The following CSMD2 variants were observed in gnomAD, a reference collection of about 807,000 sequenced individuals.
CSMD2 encodes the protein CUB and sushi domain-containing protein 2.
A neutral mutation model predicts 398.5 loss-of-function variants in CSMD2; 130 were observed. That is an observed-to-expected ratio of 0.33 (90% confidence interval 0.28 to 0.38). The LOEUF (loss-of-function observed/expected upper bound fraction) is 0.38, where lower values mean the gene tolerates loss of function less well. Among genes scored for constraint, CSMD2 ranks in the 10% least tolerant of loss-of-function variants. The probability of loss-of-function intolerance (pLI) is 1.00; values close to 1 mark genes in which losing one functional copy is unlikely to be tolerated. For synonymous variants in CSMD2, 1,828 were observed against 1,908.5 expected (o/e 0.96, Z 1.10); for missense variants, 3,829 against 4,764.9 (o/e 0.80, Z 5.78).
intron 27 of CSMD2, among the ~76,000 whole-genome samples, chr1:33,655,340 GA>G (rs1214508445): frequency 5.9e-5 from 9 of 152,324 alleles, no homozygotes; most frequent in Admixed American, 3.9e-4. Flanking sequence ...GAATAATGAT[GA>G]TAATGGCTTC....
At chr1:34,038,607 T>C (rs1266921804) in intron 2 of CSMD2, among the ~76,000 whole-genome samples, 1 of 152,164 alleles carries the variant, frequency 6.6e-6, no homozygotes, top group African/African-American at 2.4e-5. Flanking sequence ...TTCTTAGGAT[T>C]AAAGCCAGAA....
chr1:33,716,545 T>TAA, intron 19 of CSMD2, 44 bp from the exon 20 acceptor site: 2 of 1,426,702 alleles, frequency 1.4e-6, no homozygotes, highest in Admixed American at 1.8e-5. Context: ...GCGAGATGGC[T>TAA]GGAGAACCTC....
At chr1:33,666,736 A>C (rs1467966763) in intron 25 of CSMD2, among the ~76,000 whole-genome samples, 1 of 152,100 alleles carries the variant, frequency 6.6e-6, no homozygotes, top group Non-Finnish European at 1.5e-5. Flanking sequence ...TCCCTAGGAC[A>C]GAGCACAAAC....
At chr1:33,584,411 C>T (rs527533478) in intron 46 of CSMD2, among the ~76,000 whole-genome samples, 25 of 152,248 alleles carry the variant, frequency 1.6e-4, no homozygotes, top group African/African-American at 4.8e-4. Context: ...GAGGCTCATG[C>T]CTGTAATCCC....
chr1:33,808,392 T>C (rs1656471305), intron 10 of CSMD2, among the ~76,000 whole-genome samples: 1 of 151,710 alleles, frequency 6.6e-6, no homozygotes, highest in African/African-American at 2.4e-5. Flanking sequence ...TTTCAAATGA[T>C]TCAAATACAG....
chr1:33,674,476 C>G lies in CSMD2; in HGVS notation c.4053-11384G>C, dbSNP rs553352958. 1.2e-3 allele frequency among the ~76,000 whole-genome samples: 185 copies of G among 152,242 alleles called. 1 individual carries two copies. Among genetic ancestry groups the G allele is most frequent in the African/African-American group, 4.3e-3 (179 of 41,548 alleles). The stretch of plus-strand genomic sequence containing the variant: ...CATAAAGCAAGTCCTGAGTGACCTA[C>G]AAAGAGACTTAGACTCTCACACAAT... On this transcript the variant is annotated intron_variant, in intron 25 of 70. Transcript: ENST00000373381.
At position 34,143,599 on chromosome 1, in the gene CSMD2, A is replaced by C. The variant is rs147096108; in HGVS notation, c.187+21312T>G. ...GTGGGCCAAAGGACAGATCCCATGC[A>C]TGTCATCAAACTCTATATCCCAGAA... On this transcript the variant is annotated intron_variant, in intron 1 of 70. Transcript: ENST00000373381. Among the ~76,000 whole-genome samples the C allele has an allele frequency of 1.3e-3, 195 of 152,358 alleles. 2 individuals carry two copies. Among genetic ancestry groups the C allele is most frequent in the South Asian group, 2.9e-3 (14 of 4,832 alleles).
rs908558325 is a variant in CSMD2 at position 33,514,485 on chromosome 1, G to A, written c.*2139C>T. 5 of 149,828 alleles carry A rather than the reference G, an allele frequency of 3.3e-5. No individual in the cohort carries two copies. Among genetic ancestry groups the A allele is most frequent in the South Asian group, 2.1e-4 (1 of 4,712 alleles). 9.3% of individuals were successfully genotyped at this position (149,828 alleles called of 1,614,324 possible). Reference sequence around the variant, plus strand: ...AGGTGGAGAGAAATGTCAGGGGTGCGGAGGGTGATGCCCAGCAGAGTGCTG... The same window carrying A: ...AGGTGGAGAGAAATGTCAGGGGTGCAGAGGGTGATGCCCAGCAGAGTGCTG... On this transcript the variant is annotated 3_prime_UTR_variant, in exon 71 of 71. Coordinates refer to ENST00000373381, the MANE Select transcript of CSMD2 (RefSeq NM_001281956.2).
At chr1:33,725,288 A>G in intron 17 of CSMD2, 61 bp downstream of exon 17, 2 of 1,416,756 alleles carry the variant, frequency 1.4e-6, no homozygotes, top group Non-Finnish European at 2.0e-6. Context: ...CACAGTCCTG[A>G]GGCCTTTGAC....
chr1:33,743,639 A>C, intron 13 of CSMD2, 33 bp from the exon 14 acceptor site: 1 of 1,470,500 alleles, frequency 6.8e-7, no homozygotes. Flanking sequence ...GTCAGTAAGC[A>C]TCCCCAACAT....
In CSMD2 at chr1:33,604,396, C is replaced by T. The variant is rs151275822; in HGVS notation, c.6532+886G>A. Among the ~76,000 whole-genome samples the T allele has an allele frequency of 2.4e-3, 358 of 152,282 alleles. 6 individuals are homozygous for T. Among genetic ancestry groups the T allele is most frequent in the African/African-American group, 7.5e-3 (312 of 41,548 alleles). ...TTCGCAAACAAGGTCCTCTTTCCAT[C>T]GAGAGTTAAACTGAGAGTTTGAGTC... On this transcript the variant is annotated intron_variant, in intron 42 of 70. Coordinates refer to ENST00000373381, the MANE Select transcript of CSMD2 (RefSeq NM_001281956.2).
chr1:33,642,550 A>G (rs1643174420), intron 29 of CSMD2, among the ~76,000 whole-genome samples: 1 of 152,180 alleles, frequency 6.6e-6, no homozygotes, highest in Admixed American at 6.5e-5. Context: ...TGATGGTCTC[A>G]GTCTGTGCCT....
chr1:33,772,244 G>A lies in CSMD2; in HGVS notation c.1846+325C>T, dbSNP rs1651373011. ...AGATGGTGTCAGGGGTGGCAATGAC[G>A]GTGAGCAGGAAATGTCTGGGTCTGA... On this transcript the variant is annotated intron_variant, in intron 13 of 70. Transcript: ENST00000373381. 1.8e-5 allele frequency: 4 copies of A among 219,472 alleles called. 1 individual carries two copies. The highest frequency in any genetic ancestry group is 1.3e-4 in the South Asian group (1 of 7,740). The allele number at this position is 219,472 out of a possible 1,614,324, so 13.6% of individuals were successfully genotyped here.
chr1:33,913,338 A>G (rs1643559118), intron 5 of CSMD2, among the ~76,000 whole-genome samples: 1 of 152,156 alleles, frequency 6.6e-6, no homozygotes, highest in African/African-American at 2.4e-5. Flanking sequence ...GAGGCTAGAT[A>G]GAGTCAGGGC....
intron 27 of CSMD2, among the ~76,000 whole-genome samples, chr1:33,654,614 T>A (rs1643894071): frequency 6.6e-6 from 1 of 152,154 alleles, no homozygotes; most frequent in Non-Finnish European, 1.5e-5. Flanking sequence ...GTACAATCAG[T>A]CTAGACCCTT....
rs1252523443 is a variant in CSMD2, at chr1:33,924,059, T to C, written c.713-5758A>G. ...CCAGCCTCTGGTAACTATCAATCAT[T>C]CTACTGTCAACCTCTATGAGATCCA... On this transcript the variant is annotated intron_variant, in intron 4 of 70. Transcript: ENST00000373381. Among the ~76,000 whole-genome samples the C allele has an allele frequency of 7.2e-5, 11 of 152,324 alleles. No individual in the cohort carries two copies. In the East Asian group the frequency reaches 1.9e-3, roughly 27 times the overall value.
intron 6 of CSMD2, among the ~76,000 whole-genome samples, chr1:33,829,396 T>C (rs1659208616): frequency 6.6e-6 from 1 of 152,200 alleles, no homozygotes; most frequent in Non-Finnish European, 1.5e-5. Context: ...TGACTTTCCT[T>C]TTTTTATTAT....
chr1:34,034,446 T>C (rs1650860487), intron 2 of CSMD2, among the ~76,000 whole-genome samples: 1 of 152,156 alleles, frequency 6.6e-6, no homozygotes, highest in Non-Finnish European at 1.5e-5. Flanking sequence ...ACTACTACAA[T>C]ATAAGCTTGA....
intron 13 of CSMD2, among the ~76,000 whole-genome samples, chr1:33,753,933 A>G (rs1021413222): frequency 6.6e-6 from 1 of 152,164 alleles, no homozygotes; most frequent in Non-Finnish European, 1.5e-5. Flanking sequence ...TCTGCACACC[A>G]TTGTATCTGG....
Sources: gnomAD v4.1 joint callset for allele counts (sites outside exome capture counted in the v4.1 genomes callset) on GRCh38, gnomAD v4.1.1 for gene constraint, MANE v1.5 for transcripts, NCBI Gene and HGNC (gene_info 2026-07-23, HGNC 2026-07-21) for gene names.